Variants in INPP5A observed in about 807,000 individuals in gnomAD.
INPP5A encodes 43 kDa inositol polyphosphate 5-phophatase.
Under a neutral mutation model 65.2 loss-of-function variants are expected in INPP5A, and 14 were observed. The ratio of observed to expected loss-of-function variants is 0.21; its 90% CI spans 0.14 to 0.34. The LOEUF (loss-of-function observed/expected upper bound fraction) is 0.34. Ranked by LOEUF, INPP5A falls within the 10% of genes least tolerant of loss-of-function variation. The probability of loss-of-function intolerance (pLI) is 1.00; values close to 1 mark genes in which losing one functional copy is unlikely to be tolerated. For synonymous variants in INPP5A, 207 were observed against 208.3 expected (o/e 0.99, Z 0.05); for missense variants, 431 against 545.6 (o/e 0.79, Z 2.09).
intron 9 of INPP5A, among the ~76,000 whole-genome samples, chr10:132,749,182 C>A (rs1438740735): frequency 6.6e-6 from 1 of 152,264 alleles, no homozygotes; most frequent in Non-Finnish European, 1.5e-5. Context: ...CCCGCAGGCA[C>A]CCTCTTTGCT....
At chr10:132,664,547 C>T (rs926882241) in intron 4 of INPP5A, among the ~76,000 whole-genome samples, 5 of 152,310 alleles carry the variant, frequency 3.3e-5, no homozygotes, top group African/African-American at 9.6e-5. Flanking sequence ...ACACAGACCT[C>T]GCCTGTTGCC....
At chr10:132,756,429 C>T (rs1846618915) in intron 11 of INPP5A, among the ~76,000 whole-genome samples, 1 of 151,926 alleles carries the variant, frequency 6.6e-6, no homozygotes, top group African/African-American at 2.4e-5. Flanking sequence ...TGTGTGTATA[C>T]AGTCACGTCA....
intron 12 of INPP5A, among the ~76,000 whole-genome samples, chr10:132,775,185 A>ACGGGCAGG (rs1847039992): frequency 1.6e-3 from 1 of 630 alleles, no homozygotes; most frequent in Non-Finnish European, 3.0e-3. Context: ...GGGCAGGGAG[A>ACGGGCAGG]GAGGGAGGGG....
chr10:132,668,179 A>G (rs1377957076), intron 4 of INPP5A, among the ~76,000 whole-genome samples: 1 of 152,194 alleles, frequency 6.6e-6, no homozygotes, highest in Non-Finnish European at 1.5e-5. Context: ...CCTGCAGCCC[A>G]GCCCCACACT....
At chr10:132,652,471 A>G (rs543593225) in intron 4 of INPP5A, among the ~76,000 whole-genome samples, 5 of 152,364 alleles carry the variant, frequency 3.3e-5, no homozygotes, top group African/African-American at 1.2e-4. Flanking sequence ...TACTGCAACA[A>G]GCTTCAAGCC....
In INPP5A at chr10:132,603,082, T is replaced by C. The variant is rs1193758991; in HGVS notation, c.76-4833T>C. Among the ~76,000 whole-genome samples the C allele has an allele frequency of 6.6e-6, 1 of 152,188 alleles. No homozygotes were observed. The highest frequency in any genetic ancestry group is 1.5e-5 in the Non-Finnish European group (1 of 68,034). On this transcript the variant is annotated intron_variant, in intron 1 of 15. Coordinates refer to ENST00000368594, the MANE Select transcript of INPP5A (RefSeq NM_005539.5). The surrounding 1 kb of genome is among the most constrained non-coding windows in gnomAD (Gnocchi z 4.2). ...ATATTTAACTAGTCCTAGTATTGCT[T>C]GTCAATTAATGCCTCTTCCCTCAAC...
intron 1 of INPP5A, among the ~76,000 whole-genome samples, chr10:132,563,878 C>T (rs947159326): frequency 6.6e-6 from 1 of 152,198 alleles, no homozygotes; most frequent in Admixed American, 6.5e-5. Flanking sequence ...GGCGTATTCA[C>T]TTCCATGGTG....
At chr10:132,739,850 G>A (rs1846242787) in intron 9 of INPP5A, among the ~76,000 whole-genome samples, 1 of 152,194 alleles carries the variant, frequency 6.6e-6, no homozygotes. Context: ...TAGGGTCTGA[G>A]GACCTTGTCT....
In INPP5A at chr10:132,616,709, T is replaced by G. The variant is rs2072039211; in HGVS notation, c.117+8753T>G. Among the ~76,000 whole-genome samples the G allele has an allele frequency of 6.7e-6, 1 of 149,232 alleles. No individual in the cohort carries two copies. Among genetic ancestry groups the G allele is most frequent in the South Asian group, 2.1e-4 (1 of 4,666 alleles). The stretch of plus-strand genomic sequence containing the variant: ...TGGTGTGGTAATGTGGCGTGGAGGA[T>G]GCAGTGTGGGGGACATGGTGACATG... On this transcript the variant is annotated intron_variant, in intron 2 of 15. Transcript: ENST00000368594. This position sits in a 1 kb window ranked among gnomAD's most constrained non-coding sequence, Gnocchi z 4.9.
intron 11 of INPP5A, among the ~76,000 whole-genome samples, chr10:132,756,777 C>T (rs1471543273): frequency 6.6e-6 from 1 of 152,194 alleles, no homozygotes; most frequent in Admixed American, 6.5e-5. Flanking sequence ...CAGGCAGGTC[C>T]ACGGAGAAGA....
intron 4 of INPP5A, among the ~76,000 whole-genome samples, chr10:132,655,402 A>G (rs1287023415): frequency 6.6e-6 from 1 of 152,164 alleles, no homozygotes; most frequent in Non-Finnish European, 1.5e-5. Flanking sequence ...ACACTGAAGA[A>G]GTGCCTGGGC....
intron 1 of INPP5A, among the ~76,000 whole-genome samples, chr10:132,560,935 A>T (rs11146418): frequency 0.13 from 19,068 of 151,636 alleles, 1,240 homozygotes; most frequent in African/African-American, 0.14. Flanking sequence ...TGTTGAGTTT[A>T]AAGAGATCTT....
chr10:132,566,631 C>T (rs569348678), intron 1 of INPP5A, among the ~76,000 whole-genome samples: 7 of 152,212 alleles, frequency 4.6e-5, no homozygotes, highest in East Asian at 1.9e-4. Context: ...TAGGTTATCT[C>T]GATAGATGCT....
Position 132,707,063 on chromosome 10 carries a change from G to A in INPP5A, c.475-1250G>A, listed in dbSNP as rs80352586. Among the ~76,000 whole-genome samples, 12 of 152,212 alleles carry A rather than the reference G, an allele frequency of 7.9e-5. No homozygotes were observed. Among genetic ancestry groups the A allele is most frequent in the South Asian group, 2.1e-4 (1 of 4,838 alleles). Reference sequence around the variant, plus strand: ...AGAGCCTCTGATCACTGCGCTCTCCGTGTTAGATAGAGGGAGCACGCCACG... The same window carrying A: ...AGAGCCTCTGATCACTGCGCTCTCCATGTTAGATAGAGGGAGCACGCCACG... On this transcript the variant is annotated intron_variant, in intron 6 of 15. Transcript: ENST00000368594. This position sits in a 1 kb window ranked among gnomAD's most constrained non-coding sequence, Gnocchi z 5.5.
intron 2 of INPP5A, among the ~76,000 whole-genome samples, chr10:132,634,087 A>G (rs768584495): frequency 6.6e-6 from 1 of 152,228 alleles, no homozygotes; most frequent in Non-Finnish European, 1.5e-5. Flanking sequence ...AGTAATTCCA[A>G]CCTATTCAAT....
chr10:132,690,584 C>G (rs1311299400), intron 5 of INPP5A, 129 bp downstream of exon 5: 1 of 700,776 alleles, frequency 1.4e-6, no homozygotes, highest in Non-Finnish European at 2.5e-6. Flanking sequence ...GAGCCACTGT[C>G]CAGAGGTCAC....
At chr10:132,577,636 T>G (rs2786897) in intron 1 of INPP5A, among the ~76,000 whole-genome samples, 6 of 152,114 alleles carry the variant, frequency 3.9e-5, no homozygotes, top group Non-Finnish European at 7.4e-5. Flanking sequence ...GAGGTGACAT[T>G]GAGACCCTTG....
intron 1 of INPP5A, among the ~76,000 whole-genome samples, chr10:132,573,508 G>A (rs36181824): frequency 1.6e-5 from 2 of 128,064 alleles, no homozygotes; most frequent in Admixed American, 7.7e-5. Flanking sequence ...TGAGATGTTG[G>A]GGTGTGTGTG....
Position 132,697,403 on chromosome 10 carries a change from C to T in INPP5A, c.371-413C>T, listed in dbSNP as rs1845362030. On this transcript the variant is annotated intron_variant, in intron 5 of 15. Transcript: ENST00000368594. The surrounding 1 kb of genome is among the most constrained non-coding windows in gnomAD (Gnocchi z 5.6). ...CTCTCTCACCATCACACATAAACCT[C>T]TTCCCTGGAATATGAGTGATGGAGG... Among the ~76,000 whole-genome samples, 1 of 152,256 alleles carries T rather than the reference C, an allele frequency of 6.6e-6. No individual in the cohort carries two copies. The highest frequency in any genetic ancestry group is 2.1e-4 in the South Asian group (1 of 4,838).
Sources: allele counts gnomAD v4.1 joint callset (sites outside exome capture counted in the v4.1 genomes callset), GRCh38; gene constraint gnomAD v4.1.1; non-coding constraint Gnocchi (gnomAD v3.1); transcripts MANE v1.5; gene names NCBI Gene and HGNC (gene_info 2026-07-23, HGNC 2026-07-21).